UNC45B: variants seen among roughly 807,000 people sequenced by gnomAD.
The protein encoded by UNC45B is protein unc-45 homolog B.
Under a neutral mutation model 98.7 loss-of-function variants are expected in UNC45B, and 78 were observed. The ratio of observed to expected loss-of-function variants is 0.79; its 90% CI spans 0.66 to 0.95. The LOEUF is 0.95. UNC45B is among the 40% of genes least tolerant of loss of function. The pLI is 0.00. For missense variants in UNC45B, 1,225 were observed against 1,184.9 expected, an observed-to-expected ratio of 1.03 and a Z score of -0.50; for synonymous variants, 462 against 480.4, an observed-to-expected ratio of 0.96 and a Z score of 0.50.
chr17:35,168,121 G>T lies in UNC45B; in HGVS notation c.1212G>T (p.Gly404=), dbSNP rs761662873. Residue 404 remains glycine, a synonymous_variant, in exon 10 of 20, where the codon GGG becomes GGT. Transcript: ENST00000394570. ...TGAATGCCATCCAGACAGTGTCAGG[G>T]ATCCTGCAGGGCCCCTTTGACCTGG... The part of the protein sequence containing the change: ...KNLNAIQTVS[G]ILQGPFDLGN... 6.3e-7 allele frequency: 1 copy of T among 1,587,996 alleles called. No homozygotes were observed. Among genetic ancestry groups the T allele is most frequent in the East Asian group, 2.3e-5 (1 of 42,790 alleles).
At chr17:35,176,981 T>C (rs777141171) in intron 15 of UNC45B, 36 bp from the exon 16 acceptor site, 7 of 1,556,458 alleles carry the variant, frequency 4.5e-6, no homozygotes, top group Admixed American at 3.4e-5. Flanking sequence ...CCTCTGGATG[T>C]CTGTGACTAA....
At chr17:35,163,657 G>T (rs1336364856) in intron 8 of UNC45B, among the ~76,000 whole-genome samples, 1 of 152,162 alleles carries the variant, frequency 6.6e-6, no homozygotes, top group Non-Finnish European at 1.5e-5. Flanking sequence ...AGAAGCTGAG[G>T]CTTGAGGAAG....
intron 14 of UNC45B, among the ~76,000 whole-genome samples, chr17:35,175,034 G>GGAAAGAAAGAAGGAAA (rs71147462): frequency 7.3e-6 from 1 of 137,588 alleles, no homozygotes; most frequent in Non-Finnish European, 1.5e-5. Context: ...AGGAGAGAGA[G>GGAAAGAAAGAAGGAAA]GAAAGAAGGA....
chr17:35,162,163 A>C (rs2092106758), intron 8 of UNC45B, among the ~76,000 whole-genome samples: 1 of 152,162 alleles, frequency 6.6e-6, no homozygotes, highest in South Asian at 2.1e-4. Context: ...GCAAATTATC[A>C]AACCTGAGGG....
chr17:35,174,684 G>T (rs1270166971), intron 14 of UNC45B, among the ~76,000 whole-genome samples: 6 of 152,102 alleles, frequency 3.9e-5, no homozygotes, highest in African/African-American at 1.4e-4. Flanking sequence ...GCCTGGCACG[G>T]TGGTGTGCAC....
chr17:35,171,472 G>A lies in UNC45B; in HGVS notation c.1830+10G>A, dbSNP rs1329761401. 1 of 1,613,438 alleles carries A rather than the reference G, an allele frequency of 6.2e-7. No homozygotes were observed. The highest frequency in any genetic ancestry group is 8.5e-7 in the Non-Finnish European group (1 of 1,179,712). On this transcript the variant is annotated intron_variant, in intron 13 of 19. Coordinates refer to ENST00000394570, the MANE Select transcript of UNC45B (RefSeq NM_001267052.2). ...CGAGGAACACCCCAAGGTAGGGTCAGGCGCGACCCGGGAGGGGTCTGGTCT... is the reference window on the plus strand; with the variant it reads ...CGAGGAACACCCCAAGGTAGGGTCAAGCGCGACCCGGGAGGGGTCTGGTCT...
At chr17:35,173,814 A>ATTTT (rs34777618) in intron 13 of UNC45B, among the ~76,000 whole-genome samples, 5,733 of 136,558 alleles carry the variant, frequency 0.042, 231 homozygotes, top group Admixed American at 0.12. Flanking sequence ...TAGGCCATGG[A>ATTTT]TTTTTTTTTT....
rs1460885391 is a variant in UNC45B at position 35,188,213 on chromosome 17, T to C, written c.*1654T>C. 3.9e-5 allele frequency: 6 copies of C among 152,266 alleles called. No homozygotes were observed. Among genetic ancestry groups the C allele is most frequent in the Non-Finnish European group, 7.3e-5 (5 of 68,050 alleles). 9.4% of individuals were successfully genotyped at this position (152,266 alleles called of 1,614,324 possible). On this transcript the variant is annotated 3_prime_UTR_variant, in exon 20 of 20. Coordinates refer to ENST00000394570, the MANE Select transcript of UNC45B (RefSeq NM_001267052.2). ...TATATTCATCATATCCTTATTATGA[T>C]AGAGAATGACAACATTCAAAAGGGT...
In UNC45B at chr17:35,186,933, G is replaced by T. The variant is rs375907715; in HGVS notation, c.*374G>T. The T allele has an allele frequency of 3.3e-4, 75 of 229,548 alleles. No individual in the cohort carries two copies. In the South Asian group the frequency reaches 4.8e-3, roughly 15 times the overall value. 14.2% of individuals were successfully genotyped at this position (229,548 alleles called of 1,614,324 possible). ...TTTGTGGTAAGGTAGGAACTAACGG[G>T]TGTGTGCATATAAAGGTTAATGCTG... is the stretch of plus-strand genomic sequence containing the variant. On this transcript the variant is annotated 3_prime_UTR_variant, in exon 20 of 20. Coordinates refer to ENST00000394570, the MANE Select transcript of UNC45B (RefSeq NM_001267052.2).
Position 35,169,929 on chromosome 17 carries a change from C to T in UNC45B, c.1545C>T (p.Arg515=). Residue 515 remains arginine (R), a splice_region_variant and synonymous_variant, in exon 11 of 20, where the codon CGC becomes CGT. Transcript: ENST00000394570. ...GSTEKLAKQC[R]KWLCNMSIDT... Reference sequence around the variant, plus strand: ...CAGAAAAACTGGCCAAACAGTGTCGCAAGTAAGGGGGCTGTGTTTCCCAGG... The same window carrying T: ...CAGAAAAACTGGCCAAACAGTGTCGTAAGTAAGGGGGCTGTGTTTCCCAGG... 1 of 1,614,156 alleles carries T rather than the reference C, an allele frequency of 6.2e-7. No individual in the cohort carries two copies. The highest frequency in any genetic ancestry group is 8.5e-7 in the Non-Finnish European group (1 of 1,180,024).
chr17:35,163,895 G>C, intron 8 of UNC45B, 100 bp from the exon 9 acceptor site: 1 of 1,319,212 alleles, frequency 7.6e-7, no homozygotes, highest in Admixed American at 2.4e-5. Context: ...TCTACAGACA[G>C]GGCTGGAGAG....
chr17:35,182,949 T>C (rs1285893022), intron 18 of UNC45B, among the ~76,000 whole-genome samples: 2 of 151,988 alleles, frequency 1.3e-5, no homozygotes, highest in Admixed American at 1.3e-4. Flanking sequence ...TTGGGAAGCC[T>C]CATCTCTCAC....
intron 12 of UNC45B, among the ~76,000 whole-genome samples, chr17:35,170,963 G>A (rs2142570368): frequency 6.6e-6 from 1 of 151,944 alleles, no homozygotes; most frequent in East Asian, 1.9e-4. Flanking sequence ...ACCAGTAAAT[G>A]GAGGAAGCAT....
intron 17 of UNC45B, among the ~76,000 whole-genome samples, chr17:35,178,672 A>G (rs1410268380): frequency 5.3e-5 from 8 of 152,114 alleles, no homozygotes; most frequent in African/African-American, 1.7e-4. Flanking sequence ...ATGGTTTTAG[A>G]TCTTACATTT....
chr17:35,167,461 A>T (rs561622959), intron 9 of UNC45B, among the ~76,000 whole-genome samples: 176 of 152,224 alleles, frequency 1.2e-3, no homozygotes, highest in Non-Finnish European at 2.1e-3. Context: ...CTCTACAAAA[A>T]AATTTAAACA....
Position 35,169,915 on chromosome 17 carries a change from G to A in UNC45B, c.1531G>A (p.Ala511Thr), listed in dbSNP as rs1263251330. Residue 511 changes from alanine (A) to threonine (T), a missense_variant, in exon 11 of 20, where the codon GCC becomes ACC. Coordinates refer to ENST00000394570, the MANE Select transcript of UNC45B (RefSeq NM_001267052.2). Reference protein sequence around the residue: ...QFAEGSTEKLAKQCRKWLCNM... With the variant: ...QFAEGSTEKLTKQCRKWLCNM... ...TGCGGAAGGGTCGACAGAAAAACTGGCCAAACAGTGTCGCAAGTAAGGGGG... is the reference window on the plus strand; with the variant it reads ...TGCGGAAGGGTCGACAGAAAAACTGACCAAACAGTGTCGCAAGTAAGGGGG... 3 of 1,614,150 alleles carry A rather than the reference G, an allele frequency of 1.9e-6. No individual in the cohort carries two copies. Among genetic ancestry groups the A allele is most frequent in the South Asian group, 2.2e-5 (2 of 91,080 alleles).
At chr17:35,154,978 A>T (rs2092048223) in intron 6 of UNC45B, among the ~76,000 whole-genome samples, 1 of 152,252 alleles carries the variant, frequency 6.6e-6, no homozygotes, top group Admixed American at 6.5e-5. Context: ...ACATTTTTTC[A>T]TGCTAAGTCT....
chr17:35,154,583 A>G lies in UNC45B; in HGVS notation c.481A>G (p.Asn161Asp), dbSNP rs1005591146. ...CCTCTTCCTCCTTCAGGCTGCCAAC[A>G]ATCTCATTGTCCTAGGCCGTGAGGA... is the stretch of plus-strand genomic sequence containing the variant. ...EADKREKAAN[N>D]LIVLGREEAG... Residue 161 changes from asparagine (N) to aspartate (D), a missense_variant, in exon 6 of 20, where the codon AAT (asparagine) becomes GAT (aspartate). Asn to Asp is a conservative substitution (Grantham distance 23). Coordinates refer to ENST00000394570, the MANE Select transcript of UNC45B (RefSeq NM_001267052.2). 2.0e-5 allele frequency: 32 copies of G among 1,612,554 alleles called. No individual in the cohort carries two copies. Among genetic ancestry groups the G allele is most frequent in the Non-Finnish European group, 2.6e-5 (31 of 1,179,468 alleles).
At chr17:35,166,086 T>TAAAAAAAAAAAAAAAAAAAAAAAAAAAAA (rs55844448) in intron 9 of UNC45B, among the ~76,000 whole-genome samples, 17 of 58,110 alleles carry the variant, frequency 2.9e-4, no homozygotes, top group South Asian at 7.3e-4. Context: ...CCCTCATCTC[T>TAAAAAAAAAAAAAAAAAAAAAAAAAAAAA]AAAAAAAAAA....
Sources: gnomAD v4.1 joint callset for allele counts (sites outside exome capture counted in the v4.1 genomes callset) on GRCh38, gnomAD v4.1.1 for gene constraint, MANE v1.5 for transcripts, NCBI Gene and HGNC (gene_info 2026-07-23, HGNC 2026-07-21) for gene names.